The following TTC29 variants were observed in gnomAD, a reference collection of about 807,000 sequenced individuals.
TTC29 encodes tetratricopeptide repeat domain 29.
Under a neutral mutation model 58.1 loss-of-function variants are expected in TTC29, and 49 were observed. The observed-to-expected ratio is 0.84, with a 90% CI of 0.67 to 1.07. The LOEUF (loss-of-function observed/expected upper bound fraction) is 1.07. TTC29 is among the 50% of genes least tolerant of loss of function. The pLI, the probability that TTC29 is intolerant of heterozygous loss-of-function variation, is 0.00. For synonymous variants in TTC29, 209 were observed against 196.8 expected (o/e 1.06, Z -0.52); for missense variants, 582 against 555.6 (o/e 1.05, Z -0.48).
At chr4:146,881,109 T>A (rs990667867) in intron 6 of TTC29, among the ~76,000 whole-genome samples, 1 of 152,138 alleles carries the variant, frequency 6.6e-6, no homozygotes, top group Admixed American at 6.6e-5. Flanking sequence ...TTAGACAAGG[T>A]GTTAATTATG....
At chr4:146,920,803 A>G (rs1734528407) in intron 4 of TTC29, among the ~76,000 whole-genome samples, 1 of 150,986 alleles carries the variant, frequency 6.6e-6, no homozygotes, top group African/African-American at 2.4e-5. Context: ...AGAAATCTGT[A>G]TGTCTTGGGT....
chr4:146,826,338 GA>G (rs1727796639), intron 9 of TTC29, among the ~76,000 whole-genome samples: 1 of 152,136 alleles, frequency 6.6e-6, no homozygotes, highest in Admixed American at 6.5e-5. Context: ...TGCTTGTCTG[GA>G]AAGGATTTTG....
chr4:146,835,177 C>CT (rs1027635869), intron 8 of TTC29, among the ~76,000 whole-genome samples: 3 of 151,880 alleles, frequency 2.0e-5, no homozygotes, highest in South Asian at 2.1e-4. Flanking sequence ...TTTTAAGTCT[C>CT]TTTTTTTTAT....
intron 11 of TTC29, among the ~76,000 whole-genome samples, chr4:146,735,256 G>A (rs1323089418): frequency 2.0e-5 from 3 of 152,092 alleles, no homozygotes; most frequent in East Asian, 1.9e-4. Context: ...TGTAGTCAAC[G>A]TGGGGGAAGG....
intron 11 of TTC29, among the ~76,000 whole-genome samples, chr4:146,716,449 A>G (rs1216184037): frequency 6.6e-6 from 1 of 152,140 alleles, no homozygotes; most frequent in African/African-American, 2.4e-5. Flanking sequence ...TATGATTGAC[A>G]TAATAAAAGT....
At position 146,707,584 on chromosome 4, in the gene TTC29, TC is replaced by T. The variant is rs548140154; in HGVS notation, c.1331-34del. 9.6e-5 allele frequency: 138 copies of T among 1,444,958 alleles called. No homozygotes were observed. In the African/African-American group the frequency reaches 1.6e-3, roughly 17 times the overall value. The allele number at this position is 1,444,958 out of a possible 1,614,324, so 89.5% of individuals were successfully genotyped here. A position where few individuals can be genotyped will look rare whatever the true frequency, so the allele number is the denominator to read the frequency against. ...AAAAATACACAAAGTTAATAGATTA[TC>T]ATGAACACAGTTTATAGTTATTTTG... On this transcript the variant is annotated intron_variant, in intron 11 of 12. Coordinates refer to ENST00000325106, the MANE Select transcript of TTC29 (RefSeq NM_031956.4).
chr4:146,770,963 T>C (rs918405702), intron 11 of TTC29, among the ~76,000 whole-genome samples: 19 of 152,112 alleles, frequency 1.2e-4, no homozygotes, highest in African/African-American at 4.6e-4. Context: ...GGGCCTAACA[T>C]GCAAGGGCTC....
intron 2 of TTC29, among the ~76,000 whole-genome samples, chr4:146,941,326 G>A (rs1329588917): frequency 1.3e-5 from 2 of 152,060 alleles, no homozygotes; most frequent in East Asian, 1.9e-4. Flanking sequence ...TGTGACCCAG[G>A]GAAAATCACA....
intron 10 of TTC29, among the ~76,000 whole-genome samples, chr4:146,807,417 CA>C (rs1156900495): frequency 6.6e-6 from 1 of 151,926 alleles, no homozygotes; most frequent in African/African-American, 2.4e-5. Context: ...GACAGAGACA[CA>C]AAAAACCCTT....
intron 6 of TTC29, among the ~76,000 whole-genome samples, chr4:146,880,029 A>T (rs1731521418): frequency 6.6e-6 from 1 of 152,160 alleles, no homozygotes; most frequent in South Asian, 2.1e-4. Context: ...GCCTGCATGC[A>T]TGGCTCTATA....
chr4:146,799,280 C>G (rs1349252394), intron 11 of TTC29, among the ~76,000 whole-genome samples: 1 of 152,144 alleles, frequency 6.6e-6, no homozygotes, highest in Non-Finnish European at 1.5e-5. Context: ...GACTTTTTGG[C>G]TAATTCCATG....
chr4:146,832,641 T>TTGTGTGTGTGTG (rs201136243), intron 9 of TTC29, among the ~76,000 whole-genome samples: 1,668 of 149,256 alleles, frequency 0.011, 33 homozygotes, highest in African/African-American at 0.038. Context: ...CCAACTAATT[T>TTGTGTGTGTGTG]TGTGTGTGTG....
At chr4:146,844,643 A>G (rs572087436) in intron 8 of TTC29, among the ~76,000 whole-genome samples, 16 of 152,190 alleles carry the variant, frequency 1.1e-4, no homozygotes, top group Non-Finnish European at 2.2e-4. Context: ...GGCCTCTCAC[A>G]GTGCTGGAAT....
chr4:146,709,369 T>C (rs1742320385), intron 11 of TTC29, among the ~76,000 whole-genome samples: 1 of 152,190 alleles, frequency 6.6e-6, no homozygotes, highest in African/African-American at 2.4e-5. Context: ...TTCTACTTCA[T>C]TGGAACCTCC....
At chr4:146,778,365 T>G (rs1439423610) in intron 11 of TTC29, among the ~76,000 whole-genome samples, 1 of 152,144 alleles carries the variant, frequency 6.6e-6, no homozygotes, top group Non-Finnish European at 1.5e-5. Context: ...CACTTTTGAT[T>G]TTTTTGAAGA....
intron 6 of TTC29, among the ~76,000 whole-genome samples, chr4:146,895,236 T>C (rs1219950009): frequency 6.6e-6 from 1 of 152,124 alleles, no homozygotes; most frequent in Non-Finnish European, 1.5e-5. Flanking sequence ...AGTTACTGAG[T>C]TAGCCTGGCA....
At chr4:146,716,685 T>C (rs1381412787) in intron 11 of TTC29, among the ~76,000 whole-genome samples, 1 of 152,116 alleles carries the variant, frequency 6.6e-6, no homozygotes, top group Non-Finnish European at 1.5e-5. Flanking sequence ...AGTCCAAATA[T>C]AGTATTATAA....
chr4:146,831,857 C>A, intron 9 of TTC29: 1 of 300,028 alleles, frequency 3.3e-6, no homozygotes. Flanking sequence ...CAATATTTGT[C>A]CAGTGAAATT....
At chr4:146,759,474 C>T (rs551378151) in intron 11 of TTC29, among the ~76,000 whole-genome samples, 1 of 151,918 alleles carries the variant, frequency 6.6e-6, no homozygotes, top group Non-Finnish European at 1.5e-5. Flanking sequence ...CAGGAAAGGA[C>T]ATAACCAAAA....
Sources: gnomAD v4.1 joint callset for allele counts (sites outside exome capture counted in the v4.1 genomes callset) on GRCh38, gnomAD v4.1.1 for gene constraint, MANE v1.5 for transcripts, NCBI Gene and HGNC (gene_info 2026-07-23, HGNC 2026-07-21) for gene names.